The following SMC3 variants were observed in gnomAD, a reference collection of about 807,000 sequenced individuals.
SMC3 encodes structural maintenance of chromosomes protein 3.
A neutral mutation model predicts 171.8 loss-of-function variants in SMC3; 20 were observed. That is an observed-to-expected ratio of 0.12 (90% CI 0.08 to 0.17). SMC3 has a LOEUF of 0.17. Ranked by LOEUF, SMC3 falls within the 10% of genes least tolerant of loss-of-function variation. The pLI, the probability that SMC3 is intolerant of heterozygous loss-of-function variation, is 1.00. For synonymous variants in SMC3, 464 were observed against 451.1 expected, an observed-to-expected ratio of 1.03 and a Z score of -0.36; for missense variants, 543 against 1,420.4, an observed-to-expected ratio of 0.38 and a Z score of 9.93.
chr10:110,590,048 T>C (rs147982715), intron 15 of SMC3, 57 bp downstream of exon 15: 51 of 1,477,816 alleles, frequency 3.5e-5, no homozygotes, highest in Middle Eastern at 3.4e-4. Flanking sequence ...TTAATCGTTA[T>C]GTAATAATTT....
chr10:110,603,059 T>A, intron 27 of SMC3, 57 bp downstream of exon 27: 1 of 1,581,082 alleles, frequency 6.3e-7, no homozygotes, highest in Non-Finnish European at 8.7e-7. Flanking sequence ...TAATATTTGC[T>A]GATGTATATA....
At position 110,584,359 on chromosome 10, in the gene SMC3, C is replaced by A; in HGVS notation, c.1268C>A (p.Thr423Asn). 6.2e-7 allele frequency: 1 copy of A among 1,613,676 alleles called. No individual in the cohort carries two copies. The highest frequency in any genetic ancestry group is 8.5e-7 in the Non-Finnish European group (1 of 1,179,814). ...GCTATACATAAGGATTTGGAAGACACTGAAGCAAATAAAGAGAAAAATCTG... is the reference window on the plus strand; with the variant it reads ...GCTATACATAAGGATTTGGAAGACAATGAAGCAAATAAAGAGAAAAATCTG... The part of the protein sequence containing the change: ...IAAIHKDLED[T>N]EANKEKNLEQ... Residue 423 changes from threonine to asparagine, a missense_variant, in exon 13 of 29, where the codon ACT becomes AAT. Around this residue, in one of 8 missense-constraint regions of SMC3, gnomAD observed 218 missense variants for 509.6 expected, o/e 0.43. Transcript: ENST00000361804.
rs887491819 is a variant in SMC3 at position 110,589,792 on chromosome 10, C to T, written c.1409+84C>T. 48 of 1,438,850 alleles carry T rather than the reference C, an allele frequency of 3.3e-5. No homozygotes were observed. In the Admixed American group the frequency reaches 3.5e-4, roughly 11 times the overall value. 89.1% of individuals were successfully genotyped at this position (1,438,850 alleles called of 1,614,324 possible). A position where few individuals can be genotyped will look rare whatever the true frequency, so the allele number is the denominator to read the frequency against. ...TGTGGTCTTTAAGTTACAAGTTAAC[C>T]GGTCAGGCTTGTTTTCTGTATTTTG... On this transcript the variant is annotated intron_variant, in intron 14 of 28. Transcript: ENST00000361804.
chr10:110,580,548 A>G (rs1160874549), intron 7 of SMC3, among the ~76,000 whole-genome samples: 3 of 152,242 alleles, frequency 2.0e-5, no homozygotes, highest in Non-Finnish European at 2.9e-5. Flanking sequence ...TACTATACAA[A>G]TGACATTAGC....
At position 110,583,979 on chromosome 10, in the gene SMC3, C is replaced by T; in HGVS notation, c.1091+17C>T. On this transcript the variant is annotated intron_variant, in intron 12 of 28. Coordinates refer to ENST00000361804, the MANE Select transcript of SMC3 (RefSeq NM_005445.4). The stretch of plus-strand genomic sequence containing the variant: ...AATTGCTAGGTCTGAGAACTTTCAC[C>T]AACACTTTAACTTTCTACATCATAT... 2.5e-6 allele frequency: 4 copies of T among 1,612,078 alleles called. No individual in the cohort carries two copies. Among genetic ancestry groups the T allele is most frequent in the Non-Finnish European group, 3.4e-6 (4 of 1,179,218 alleles).
intron 8 of SMC3, 149 bp downstream of exon 8, chr10:110,581,170 C>A: frequency 1.5e-6 from 1 of 657,560 alleles, no homozygotes; most frequent in Non-Finnish European, 2.7e-6. Context: ...TCCATAACAC[C>A]AATGATGTTA....
intron 17 of SMC3, 135 bp from the exon 18 acceptor site, chr10:110,592,938 C>T: frequency 2.5e-6 from 2 of 792,548 alleles, no homozygotes; most frequent in Non-Finnish European, 2.1e-6. Flanking sequence ...CTAACTACTT[C>T]AGGGAAAACG....
rs111558999 is a variant in SMC3, at chr10:110,591,781, A to G, written c.1812+649A>G. On this transcript the variant is annotated intron_variant, in intron 17 of 28. Coordinates refer to ENST00000361804, the MANE Select transcript of SMC3 (RefSeq NM_005445.4). ...TTAAAGCTGAAACCCCATGAGAATG[A>G]TCAATAATTTAAGTGGAACATTAAG... Among the ~76,000 whole-genome samples the G allele has an allele frequency of 6.0e-3, 911 of 152,322 alleles. 7 individuals carry two copies. The highest frequency in any genetic ancestry group is 0.014 in the Middle Eastern group (4 of 294).
chr10:110,585,701 T>C (rs1296520392), intron 13 of SMC3, among the ~76,000 whole-genome samples: 2 of 151,886 alleles, frequency 1.3e-5, no homozygotes, highest in East Asian at 3.8e-4. Flanking sequence ...AGTTTTTTCT[T>C]GACTTTTGGG....
chr10:110,578,781 G>C, intron 7 of SMC3, 75 bp downstream of exon 7: 1 of 1,189,654 alleles, frequency 8.4e-7, no homozygotes, highest in Non-Finnish European at 1.2e-6. Flanking sequence ...TTGGTTTATT[G>C]ATTTGAGTGG....
Position 110,596,316 on chromosome 10 carries a change from G to A in SMC3, c.1964-82G>A, listed in dbSNP as rs1358416866. 8.3e-6 allele frequency: 11 copies of A among 1,317,748 alleles called. No individual in the cohort carries two copies. In the East Asian group the frequency reaches 9.6e-5, roughly 12 times the overall value. The allele number at this position is 1,317,748 out of a possible 1,614,324, so 81.6% of individuals were successfully genotyped here. On this transcript the variant is annotated intron_variant, in intron 18 of 28. Transcript: ENST00000361804. The stretch of plus-strand genomic sequence containing the variant: ...AATTCTCATTATCTACTTAAAGCCT[G>A]TAGGTTAGTTTTTTTGTTATAAGTC...
chr10:110,570,023 G>C (rs1463044660), intron 2 of SMC3, among the ~76,000 whole-genome samples: 1 of 152,184 alleles, frequency 6.6e-6, no homozygotes, highest in African/African-American at 2.4e-5. Context: ...ACCATAGACT[G>C]GTGGCTTAAA....
intron 9 of SMC3, 89 bp downstream of exon 9, chr10:110,582,187 A>G (rs949521487): frequency 1.7e-6 from 2 of 1,164,780 alleles, no homozygotes; most frequent in African/African-American, 3.1e-5. Flanking sequence ...CTTTTCAGTG[A>G]TTTTAAATAG....
In SMC3 at chr10:110,597,497, A is replaced by T. The variant is rs188596253; in HGVS notation, c.2117-642A>T. On this transcript the variant is annotated intron_variant, in intron 19 of 28. Coordinates refer to ENST00000361804, the MANE Select transcript of SMC3 (RefSeq NM_005445.4). ...TTTAACTGCTTCAGGTGAAACTGGAATTTTTTTAAAACTGCAGATTTATAA... is the reference window on the plus strand; with the variant it reads ...TTTAACTGCTTCAGGTGAAACTGGATTTTTTTTAAAACTGCAGATTTATAA... Among the ~76,000 whole-genome samples the T allele has an allele frequency of 6.3e-3, 959 of 152,300 alleles. 16 individuals are homozygous for T. The highest frequency in any genetic ancestry group is 0.022 in the African/African-American group (924 of 41,558).
At chr10:110,589,134 A>T (rs11195203) in intron 13 of SMC3, among the ~76,000 whole-genome samples, 17,668 of 152,128 alleles carry the variant, frequency 0.12, 1,205 homozygotes, top group East Asian at 0.26. Context: ...TCACGCCTGT[A>T]ATCTCAGCAC....
chr10:110,567,808 C>T lies in SMC3; in HGVS notation c.-9C>T, dbSNP rs1210214891. The T allele has an allele frequency of 2.5e-6, 4 of 1,613,504 alleles. No individual in the cohort carries two copies. The highest frequency in any genetic ancestry group is 2.5e-6 in the Non-Finnish European group (3 of 1,179,796). The stretch of plus-strand genomic sequence containing the variant: ...GGCAGGTCTCCTTCCAGGCCAGGGG[C>T]CCGGAATCATGTACATAAAGCAGGT... On this transcript the variant is annotated 5_prime_UTR_variant, in exon 1 of 29. Coordinates refer to ENST00000361804, the MANE Select transcript of SMC3 (RefSeq NM_005445.4).
intron 7 of SMC3, among the ~76,000 whole-genome samples, chr10:110,579,648 GA>G (rs1332231873): frequency 2.0e-5 from 3 of 152,156 alleles, no homozygotes; most frequent in African/African-American, 7.2e-5. Flanking sequence ...TAAGCTCCAT[GA>G]GGGTGGGACC....
chr10:110,599,344 C>T (rs1590568923), intron 20 of SMC3, among the ~76,000 whole-genome samples: 1 of 152,192 alleles, frequency 6.6e-6, no homozygotes, highest in African/African-American at 2.4e-5. Context: ...ATCCACCCAC[C>T]TTGGCCTCCC....
intron 7 of SMC3, 129 bp downstream of exon 7, chr10:110,578,835 A>G: frequency 1.4e-6 from 1 of 700,244 alleles, no homozygotes; most frequent in South Asian, 1.6e-5. Context: ...CATGGCCATA[A>G]AGTACCAAAT....
Sources: gnomAD v4.1 joint callset for allele counts (sites outside exome capture counted in the v4.1 genomes callset) on GRCh38, gnomAD v4.1.1 for gene constraint, gnomAD v4.1.1 regional missense constraint, MANE v1.5 for transcripts, NCBI Gene and HGNC (gene_info 2026-07-23, HGNC 2026-07-21) for gene names.